SEZ6L: variants seen among roughly 807,000 people sequenced by gnomAD.
SEZ6L encodes seizure related 6 homolog like, also known as seizure 6-like protein.
SEZ6L carries 37 observed loss-of-function variants against 106.2 expected under a neutral mutation model. The ratio of observed to expected loss-of-function variants is 0.35; its 90% CI spans 0.27 to 0.46. The LOEUF (loss-of-function observed/expected upper bound fraction) is 0.46. SEZ6L is among the 20% of genes least tolerant of loss of function. The probability of loss-of-function intolerance (pLI) is 1.00; values close to 1 mark genes in which losing one functional copy is unlikely to be tolerated. For synonymous variants in SEZ6L, 541 were observed against 570.4 expected (o/e 0.95, Z 0.73); for missense variants, 1,172 against 1,332.8 (o/e 0.88, Z 1.88).
intron 12 of SEZ6L, among the ~76,000 whole-genome samples, chr22:26,353,682 C>T (rs1300043624): frequency 2.0e-5 from 3 of 151,212 alleles, no homozygotes; most frequent in Admixed American, 6.6e-5. Flanking sequence ...AGCGTCTTCG[C>T]CATCCTAACC....
At chr22:26,301,597 G>T (rs1488110123) in intron 5 of SEZ6L, among the ~76,000 whole-genome samples, 1 of 152,178 alleles carries the variant, frequency 6.6e-6, no homozygotes, top group African/African-American at 2.4e-5. Context: ...ATGCAGAAAA[G>T]GTATACAGGA....
At chr22:26,209,747 G>A (rs961586234) in intron 1 of SEZ6L, among the ~76,000 whole-genome samples, 2 of 138,418 alleles carry the variant, frequency 1.4e-5, no homozygotes, top group African/African-American at 2.8e-5. Flanking sequence ...GAGGGAGAGA[G>A]GAGAGAAGGA....
At chr22:26,361,660 T>C (rs941511915) in intron 12 of SEZ6L, among the ~76,000 whole-genome samples, 2 of 152,130 alleles carry the variant, frequency 1.3e-5, no homozygotes, top group African/African-American at 2.4e-5. Flanking sequence ...CGTGAGCTTG[T>C]TTTATTCTCA....
At chr22:26,263,359 T>C (rs2080079253) in intron 1 of SEZ6L, among the ~76,000 whole-genome samples, 2 of 152,210 alleles carry the variant, frequency 1.3e-5, no homozygotes, top group South Asian at 4.1e-4. Context: ...CTAATGGAGA[T>C]ATGCAAGTGC....
chr22:26,239,252 C>T (rs1436509727), intron 1 of SEZ6L, among the ~76,000 whole-genome samples: 1 of 152,080 alleles, frequency 6.6e-6, no homozygotes, highest in Non-Finnish European at 1.5e-5. Flanking sequence ...ATCTGGCCAG[C>T]TGGGGGGCAG....
intron 1 of SEZ6L, among the ~76,000 whole-genome samples, chr22:26,260,231 C>G (rs2079955547): frequency 6.6e-6 from 1 of 152,030 alleles, no homozygotes; most frequent in East Asian, 1.9e-4. Flanking sequence ...TTTTGGTGCA[C>G]CCATCACCTG....
chr22:26,225,283 CAG>C (rs1353430738), intron 1 of SEZ6L, among the ~76,000 whole-genome samples: 1 of 152,208 alleles, frequency 6.6e-6, no homozygotes, highest in Admixed American at 6.5e-5. Flanking sequence ...CCAACTCAGT[CAG>C]AGAGATTGGC....
At chr22:26,194,222 C>G (rs1037310666) in intron 1 of SEZ6L, among the ~76,000 whole-genome samples, 1 of 152,332 alleles carries the variant, frequency 6.6e-6, no homozygotes, top group East Asian at 1.9e-4. Context: ...TCCTATGTCA[C>G]AGATGGGAAA....
At chr22:26,335,822 A>G (rs2082627308) in intron 9 of SEZ6L, among the ~76,000 whole-genome samples, 1 of 152,150 alleles carries the variant, frequency 6.6e-6, no homozygotes, top group Admixed American at 6.5e-5. Context: ...CATCAAATCC[A>G]GCTACTGTTA....
intron 14 of SEZ6L, among the ~76,000 whole-genome samples, chr22:26,373,969 T>A (rs939077237): frequency 1.3e-5 from 2 of 152,178 alleles, no homozygotes; most frequent in African/African-American, 4.8e-5. Flanking sequence ...TCAGCTCTCC[T>A]TTTATTAGAA....
intron 9 of SEZ6L, among the ~76,000 whole-genome samples, chr22:26,317,725 G>C (rs777582392): frequency 1.3e-5 from 2 of 152,096 alleles, no homozygotes; most frequent in Non-Finnish European, 2.9e-5. Context: ...AGCCCTTGCA[G>C]CGGGGGCAGG....
intron 1 of SEZ6L, among the ~76,000 whole-genome samples, chr22:26,287,994 G>A (rs76139807): frequency 5.3e-5 from 8 of 152,344 alleles, no homozygotes; most frequent in Middle Eastern, 3.4e-3. Flanking sequence ...TAGCTGCTGC[G>A]GTTAGCACCC....
chr22:26,199,166 A>G (rs1940769500), intron 1 of SEZ6L, among the ~76,000 whole-genome samples: 1 of 152,222 alleles, frequency 6.6e-6, no homozygotes, highest in African/African-American at 2.4e-5. Flanking sequence ...CAAATTAGCA[A>G]TGGAGAAAAT....
intron 1 of SEZ6L, among the ~76,000 whole-genome samples, chr22:26,213,148 A>T (rs2078207567): frequency 6.6e-6 from 1 of 152,260 alleles, no homozygotes; most frequent in East Asian, 1.9e-4. Context: ...GGTGAGGTTT[A>T]ACTTAGCCAT....
intron 1 of SEZ6L, among the ~76,000 whole-genome samples, chr22:26,221,719 T>C (rs74392616): frequency 0.036 from 5,358 of 150,258 alleles, 267 homozygotes; most frequent in African/African-American, 0.11. Flanking sequence ...TGCACCTGAA[T>C]TCATGCGCGT....
intron 1 of SEZ6L, among the ~76,000 whole-genome samples, chr22:26,170,454 T>C (rs971519287): frequency 5.3e-5 from 8 of 151,674 alleles, no homozygotes; most frequent in Admixed American, 1.3e-4. Context: ...CCCTACTGCC[T>C]AGCATCTCTG....
chr22:26,285,208 G>A lies in SEZ6L; in HGVS notation c.95-7198G>A, dbSNP rs1421435607. Among the ~76,000 whole-genome samples, 7 of 152,302 alleles carry A rather than the reference G, an allele frequency of 4.6e-5. No homozygotes were observed. The East Asian group carries it at 9.6e-4, about 21-fold the overall frequency. ...AGTGGACCACAGGGGGCCGGCAGCT[G>A]TTGCCTGGGCCAGTGACGAGCATGT... On this transcript the variant is annotated intron_variant, in intron 1 of 16. Coordinates refer to ENST00000248933, the MANE Select transcript of SEZ6L (RefSeq NM_021115.5).
At chr22:26,370,030 A>G (rs638025) in intron 13 of SEZ6L, among the ~76,000 whole-genome samples, 31,845 of 152,214 alleles carry the variant, frequency 0.21, 3,911 homozygotes, top group African/African-American at 0.33. Flanking sequence ...ATTAATAGAA[A>G]TTAATTTGAC....
Position 26,306,119 on chromosome 22 carries a change from A to G in SEZ6L, c.1489A>G (p.Arg497Gly). 8 of 1,613,980 alleles carry G rather than the reference A, an allele frequency of 5.0e-6. No homozygotes were observed. The highest frequency in any genetic ancestry group is 6.8e-6 in the Non-Finnish European group (8 of 1,180,020). The change falls in exon 6 of 17, where the codon AGG becomes GGG. Residue 497 changes from arginine to glycine, a missense_variant. By Grantham distance (125) the Arg-to-Gly change is moderately radical (BLOSUM62 -2). This residue lies in a region of SEZ6L where 534 missense variants were observed against 691.0 expected (regional missense o/e 0.77). Coordinates refer to ENST00000248933, the MANE Select transcript of SEZ6L (RefSeq NM_021115.5). ...EGQKLHLHFE[R>G]LLLHDKDRMT... ...CCAGAAGCTGCACCTGCACTTTGAGAGGCTGTTGCTGCATGACAAGGACAG... is the reference window on the plus strand; with the variant it reads ...CCAGAAGCTGCACCTGCACTTTGAGGGGCTGTTGCTGCATGACAAGGACAG...
Sources: gnomAD v4.1 joint callset for allele counts (sites outside exome capture counted in the v4.1 genomes callset) on GRCh38, gnomAD v4.1.1 for gene constraint, gnomAD v4.1.1 regional missense constraint, MANE v1.5 for transcripts, NCBI Gene and HGNC (gene_info 2026-07-23, HGNC 2026-07-21) for gene names.